The following AKT3 variants were observed in gnomAD, a reference collection of about 807,000 sequenced individuals.
AKT3 encodes AKT serine/threonine kinase 3, also known as RAC-gamma serine/threonine-protein kinase.
Under a neutral mutation model 65.3 loss-of-function variants are expected in AKT3, and 15 were observed. The observed-to-expected ratio is 0.23, with a 90% CI of 0.15 to 0.35. The LOEUF (loss-of-function observed/expected upper bound fraction) is 0.35. Among genes scored for constraint, AKT3 ranks in the 10% least tolerant of loss-of-function variants. The pLI is 1.00. For missense variants in AKT3, 243 were observed against 576.5 expected (o/e 0.42, Z 5.92); for synonymous variants, 206 against 183.8 (o/e 1.12, Z -0.98).
chr1:243,583,586 CAAACA>C (rs1423250651), intron 8 of AKT3, among the ~76,000 whole-genome samples: 2 of 123,446 alleles, frequency 1.6e-5, no homozygotes, highest in African/African-American at 3.2e-5. Flanking sequence ...AAAAGAAAAA[CAAACA>C]AAAAAACCCT....
At chr1:243,490,663 C>T (rs901287697) in intron 13 of AKT3, among the ~76,000 whole-genome samples, 4 of 152,252 alleles carry the variant, frequency 2.6e-5, no homozygotes, top group Non-Finnish European at 4.4e-5. Context: ...AGGCGGGATG[C>T]CCCACGGGCC....
At chr1:243,635,928 T>C (rs1054918959) in intron 6 of AKT3, among the ~76,000 whole-genome samples, 2 of 151,986 alleles carry the variant, frequency 1.3e-5, no homozygotes, top group Non-Finnish European at 2.9e-5. Flanking sequence ...AAACGATAAA[T>C]AGATTTGTTG....
intron 8 of AKT3, among the ~76,000 whole-genome samples, chr1:243,607,710 T>A (rs896656149): frequency 3.3e-5 from 5 of 152,070 alleles, no homozygotes; most frequent in Admixed American, 6.5e-5. Context: ...GATATGAGAT[T>A]TGGGAGGGGC....
intron 2 of AKT3, among the ~76,000 whole-genome samples, chr1:243,730,874 G>A (rs572591877): frequency 2.0e-5 from 3 of 152,314 alleles, no homozygotes; most frequent in East Asian, 3.9e-4. Context: ...GCCTGGCAAG[G>A]AGCCGGCACC....
intron 9 of AKT3, 68 bp downstream of exon 9, chr1:243,572,858 A>G: frequency 7.0e-7 from 1 of 1,428,250 alleles, no homozygotes; most frequent in Non-Finnish European, 9.4e-7. Context: ...ATAACTTTGT[A>G]ATTACTTTAT....
At chr1:243,522,728 C>T (rs545498166) in intron 12 of AKT3, among the ~76,000 whole-genome samples, 1 of 152,234 alleles carries the variant, frequency 6.6e-6, no homozygotes, top group South Asian at 2.1e-4. Context: ...CACACACATA[C>T]ACAGAAAGGC....
chr1:243,757,205 CTAT>C (rs1446140490), intron 2 of AKT3, among the ~76,000 whole-genome samples: 1 of 152,172 alleles, frequency 6.6e-6, no homozygotes, highest in Non-Finnish European at 1.5e-5. Flanking sequence ...TGATATATCA[CTAT>C]TAATATCTTG....
Position 243,749,144 on chromosome 1 carries a change from A to G in AKT3, c.47-53428T>C, listed in dbSNP as rs1688651945. Among the ~76,000 whole-genome samples the G allele has an allele frequency of 2.0e-5, 3 of 151,988 alleles. No individual in the cohort carries two copies. In the South Asian group the frequency reaches 6.2e-4, roughly 32 times the overall value. ...ATTCTATGGAATCCCTGATCATTCT[A>G]TATTTTTCTAATCCACTTTTTCTTT... On this transcript the variant is annotated intron_variant, in intron 2 of 13. Coordinates refer to ENST00000673466, the MANE Select transcript of AKT3 (RefSeq NM_005465.7).
At chr1:243,659,014 A>G (rs1354928687) in intron 4 of AKT3, among the ~76,000 whole-genome samples, 1 of 151,994 alleles carries the variant, frequency 6.6e-6, no homozygotes, top group Admixed American at 6.6e-5. Flanking sequence ...TGGCTGACAG[A>G]GCAAGACCTT....
At chr1:243,572,824 T>G in intron 9 of AKT3, 102 bp downstream of exon 9, 1 of 1,255,678 alleles carries the variant, frequency 8.0e-7, no homozygotes. Flanking sequence ...TTTTCCCAAC[T>G]AAATCTGCTT....
intron 6 of AKT3, among the ~76,000 whole-genome samples, chr1:243,626,708 C>G (rs1679192661): frequency 6.6e-6 from 1 of 152,118 alleles, no homozygotes; most frequent in African/African-American, 2.4e-5. Context: ...TTGGTAAAAT[C>G]CTAGCAGAGG....
At chr1:243,690,618 G>A (rs894029131) in intron 3 of AKT3, among the ~76,000 whole-genome samples, 3 of 152,104 alleles carry the variant, frequency 2.0e-5, no homozygotes, top group East Asian at 1.9e-4. Flanking sequence ...ACATTCTACA[G>A]GCCTTGTGGA....
At chr1:243,594,741 T>C (rs1676476334) in intron 8 of AKT3, among the ~76,000 whole-genome samples, 1 of 152,058 alleles carries the variant, frequency 6.6e-6, no homozygotes, top group African/African-American at 2.4e-5. Context: ...TCCAGGCTAA[T>C]TTTTTAAATT....
intron 2 of AKT3, among the ~76,000 whole-genome samples, chr1:243,747,073 C>T (rs1052059285): frequency 1.3e-5 from 2 of 152,010 alleles, no homozygotes; most frequent in African/African-American, 4.8e-5. Flanking sequence ...TTTTTACATG[C>T]CCAGGAAGCT....
chr1:243,729,036 GAGAAAA>G (rs1687386790), intron 2 of AKT3, among the ~76,000 whole-genome samples: 1 of 152,102 alleles, frequency 6.6e-6, no homozygotes, highest in African/African-American at 2.4e-5. Flanking sequence ...TTAAGAGATG[GAGAAAA>G]AGAAAGAGAA....
intron 3 of AKT3, among the ~76,000 whole-genome samples, chr1:243,688,717 C>T (rs1463983816): frequency 6.6e-6 from 1 of 152,096 alleles, no homozygotes; most frequent in African/African-American, 2.4e-5. Flanking sequence ...TAACCAGGTA[C>T]ATCCTTTTAA....
At chr1:243,615,223 C>T (rs1460747725) in intron 6 of AKT3, 62 bp from the exon 7 acceptor site, 34 of 1,278,864 alleles carry the variant, frequency 2.7e-5, no homozygotes, top group Non-Finnish European at 3.8e-5. Context: ...AATAATTTCA[C>T]TATTTCTCTA....
intron 6 of AKT3, among the ~76,000 whole-genome samples, chr1:243,635,730 A>G (rs1331355665): frequency 6.6e-6 from 1 of 152,016 alleles, no homozygotes; most frequent in Non-Finnish European, 1.5e-5. Flanking sequence ...AAGTGAAGAA[A>G]CACAGTAGAC....
At chr1:243,531,796 T>C (rs1307560946) in intron 12 of AKT3, among the ~76,000 whole-genome samples, 1 of 152,184 alleles carries the variant, frequency 6.6e-6, no homozygotes, top group Non-Finnish European at 1.5e-5. Flanking sequence ...CTTTCAGCAA[T>C]GTTTTGTAGT....
Sources: allele counts gnomAD v4.1 joint callset (sites outside exome capture counted in the v4.1 genomes callset), GRCh38; gene constraint gnomAD v4.1.1; transcripts MANE v1.5; gene names NCBI Gene and HGNC (gene_info 2026-07-23, HGNC 2026-07-21).